The following HMGCLL1 variants were observed in gnomAD, a reference collection of about 807,000 sequenced individuals.
The protein encoded by HMGCLL1 is 3-hydroxy-3-methylglutaryl-CoA lyase like 1.
A neutral mutation model predicts 39.1 loss-of-function variants in HMGCLL1; 36 were observed. The observed-to-expected ratio is 0.92, with a 90% CI of 0.71 to 1.22. The LOEUF (loss-of-function observed/expected upper bound fraction) is 1.22. Among genes scored for constraint, HMGCLL1 ranks in the 50% most tolerant of loss-of-function variants. The pLI, the probability that HMGCLL1 is intolerant of heterozygous loss-of-function variation, is 0.00. For missense variants in HMGCLL1, 451 were observed against 416.5 expected (o/e 1.08, Z -0.72); for synonymous variants, 149 against 144.0 (o/e 1.03, Z -0.25).
the HMGCLL1 span, among the ~76,000 whole-genome samples, chr6:55,602,077 T>G: frequency 2.0e-5 from 3 of 152,038 alleles, no homozygotes; most frequent in African/African-American, 7.2e-5. Flanking sequence ...GATTTTTTCT[T>G]TGGCTCTTCA....
intron 7 of HMGCLL1, among the ~76,000 whole-genome samples, chr6:55,457,365 A>C (rs1764368873): frequency 6.6e-6 from 1 of 152,214 alleles, no homozygotes; most frequent in Non-Finnish European, 1.5e-5. Context: ...GGTTATTCAA[A>C]GTCATGAAAA....
chr6:55,599,909 G>A, the HMGCLL1 span, among the ~76,000 whole-genome samples: 2 of 152,140 alleles, frequency 1.3e-5, no homozygotes, highest in Non-Finnish European at 2.9e-5. Flanking sequence ...CCGAAGCTAA[G>A]CATGAATGAT....
At chr6:55,506,099 C>T (rs112235338) in intron 5 of HMGCLL1, among the ~76,000 whole-genome samples, 260 of 151,796 alleles carry the variant, frequency 1.7e-3, no homozygotes, top group Admixed American at 4.9e-3. Context: ...CTTTCTACTA[C>T]ATCAGTTGAG....
chr6:55,606,342 G>T, the HMGCLL1 span, among the ~76,000 whole-genome samples: 1 of 151,956 alleles, frequency 6.6e-6, no homozygotes, highest in Admixed American at 6.6e-5. Context: ...GTTAAAATAA[G>T]AAATATATTT....
At chr6:55,498,049 T>G (rs530204877) in intron 6 of HMGCLL1, among the ~76,000 whole-genome samples, 34 of 152,158 alleles carry the variant, frequency 2.2e-4, no homozygotes, top group Non-Finnish European at 4.6e-4. Flanking sequence ...TGGTCCTGAA[T>G]TATTCCTGTT....
At chr6:55,534,465 T>C (rs1485098775) in intron 3 of HMGCLL1, among the ~76,000 whole-genome samples, 8 of 152,208 alleles carry the variant, frequency 5.3e-5, no homozygotes, top group Admixed American at 5.2e-4. Flanking sequence ...CATACCACAT[T>C]TGCCTACCCC....
At chr6:55,589,792 C>A in the HMGCLL1 span, among the ~76,000 whole-genome samples, 5 of 152,230 alleles carry the variant, frequency 3.3e-5, no homozygotes, top group South Asian at 1.0e-3. Context: ...TGAGTGAACT[C>A]CCATTCACAA....
the HMGCLL1 span, among the ~76,000 whole-genome samples, chr6:55,625,552 C>T: frequency 6.6e-6 from 1 of 152,092 alleles, no homozygotes; most frequent in East Asian, 1.9e-4. Flanking sequence ...CGAAAATGGA[C>T]AGCTGCAGCA....
chr6:55,483,693 G>A (rs2127415003), intron 7 of HMGCLL1, among the ~76,000 whole-genome samples: 1 of 152,314 alleles, frequency 6.6e-6, no homozygotes, highest in African/African-American at 2.4e-5. Context: ...GACACAAGAT[G>A]AGTTGGGTTG....
the HMGCLL1 span, among the ~76,000 whole-genome samples, chr6:55,588,895 C>G: frequency 0.51 from 77,344 of 151,876 alleles, 20,029 homozygotes; most frequent in South Asian, 0.61. Flanking sequence ...AACAGGCTCT[C>G]AAATTGAGAC....
chr6:55,593,875 G>A, the HMGCLL1 span, among the ~76,000 whole-genome samples: 8 of 152,088 alleles, frequency 5.3e-5, no homozygotes, highest in African/African-American at 7.2e-5. Context: ...TCAGAACCAC[G>A]GAGAGGTAAA....
At chr6:55,660,204 G>C in the HMGCLL1 span, among the ~76,000 whole-genome samples, 1 of 151,674 alleles carries the variant, frequency 6.6e-6, no homozygotes, top group South Asian at 2.1e-4. Flanking sequence ...GAAAAAGCCA[G>C]GTACAATCAT....
chr6:55,444,931 T>A (rs903590671), intron 7 of HMGCLL1, among the ~76,000 whole-genome samples: 1 of 152,032 alleles, frequency 6.6e-6, no homozygotes. Context: ...AGAGGACTTG[T>A]AAAATGGTCT....
At chr6:55,582,546 A>C (rs909191244), upstream of HMGCLL1, among the ~76,000 whole-genome samples, 1 of 152,164 alleles carries the variant, frequency 6.6e-6, no homozygotes, top group Non-Finnish European at 1.5e-5. Context: ...CAGTCTTTGC[A>C]GTCTCAACTC....
At chr6:55,477,415 ATTATCT>A (rs1561905391) in intron 7 of HMGCLL1, among the ~76,000 whole-genome samples, 2 of 25,606 alleles carry the variant, frequency 7.8e-5, no homozygotes, top group African/African-American at 4.4e-4. Context: ...CTAAATATAT[ATTATCT>A]TAATATATAT....
At chr6:55,449,036 A>ATT (rs1763973174) in intron 7 of HMGCLL1, among the ~76,000 whole-genome samples, 3 of 152,236 alleles carry the variant, frequency 2.0e-5, no homozygotes, top group Non-Finnish European at 4.4e-5. Context: ...AAAAGGTAGC[A>ATT]CCTAAAAAGG....
rs200476817 is a variant in HMGCLL1, at chr6:55,480,832, G to A, written c.795+14587C>T. ...AGAATGAGATCCCGTTATTTGCAAC[G>A]ACATGGGTGGAACTGGAGGTCATTA... On this transcript the variant is annotated intron_variant, in intron 7 of 8. Coordinates refer to ENST00000274901, the MANE Select transcript of HMGCLL1 (RefSeq NM_001042406.2). Among the ~76,000 whole-genome samples, 6 of 148,262 alleles carry A rather than the reference G, an allele frequency of 4.0e-5. No homozygotes were observed. In the East Asian group the frequency reaches 9.7e-4, roughly 24 times the overall value.
chr6:55,670,854 A>C, the HMGCLL1 span, among the ~76,000 whole-genome samples: 1 of 151,872 alleles, frequency 6.6e-6, no homozygotes, highest in African/African-American at 2.4e-5. Flanking sequence ...ATTATATGTA[A>C]ATAATCTAAA....
At chr6:55,505,094 A>G (rs1767084130) in intron 5 of HMGCLL1, among the ~76,000 whole-genome samples, 2 of 151,646 alleles carry the variant, frequency 1.3e-5, no homozygotes, top group South Asian at 4.1e-4. Flanking sequence ...ATTTTTTAAT[A>G]GTCTGTAAAA....
Sources: gnomAD v4.1 joint callset for allele counts (sites outside exome capture counted in the v4.1 genomes callset) on GRCh38, gnomAD v4.1.1 for gene constraint, MANE v1.5 for transcripts, NCBI Gene and HGNC (gene_info 2026-07-23, HGNC 2026-07-21) for gene names.